The following TEP1 variants were observed in gnomAD, a reference collection of about 807,000 sequenced individuals.
The protein encoded by TEP1 is telomerase associated protein 1.
TEP1 carries 241 observed loss-of-function variants against 306.3 expected under a neutral mutation model. The ratio of observed to expected loss-of-function variants is 0.79; its 90% confidence interval spans 0.71 to 0.88. The LOEUF (loss-of-function observed/expected upper bound fraction) is 0.88, where lower values mean the gene tolerates loss of function less well. TEP1 is among the 40% of genes least tolerant of loss of function. The probability of loss-of-function intolerance (pLI) is 0.00; values close to 1 mark genes in which losing one functional copy is unlikely to be tolerated. For missense variants in TEP1, 3,051 were observed against 3,276.1 expected (o/e 0.93, Z 1.68); for synonymous variants, 1,289 against 1,305.5 (o/e 0.99, Z 0.27).
chr14:20,382,972 G>A (rs971503902), intron 27 of TEP1, among the ~76,000 whole-genome samples: 1 of 152,188 alleles, frequency 6.6e-6, no homozygotes, highest in African/African-American at 2.4e-5. Flanking sequence ...GAGAGGCCCT[G>A]GAAAGGCCAT....
intron 12 of TEP1, among the ~76,000 whole-genome samples, chr14:20,394,288 A>C (rs1043352928): frequency 6.6e-6 from 1 of 152,088 alleles, no homozygotes; most frequent in African/African-American, 2.4e-5. Context: ...ATATGAAAAC[A>C]TTTTCATGTC....
At chr14:20,377,899 C>T in intron 39 of TEP1, 125 bp downstream of exon 39, 2 of 1,453,794 alleles carry the variant, frequency 1.4e-6, no homozygotes, top group South Asian at 1.2e-5. Context: ...CACCCCTCTC[C>T]CCGTGGTTCC....
intron 12 of TEP1, 105 bp from the exon 13 acceptor site, chr14:20,391,872 C>T: frequency 8.0e-7 from 1 of 1,255,310 alleles, no homozygotes; most frequent in South Asian, 1.4e-5. Flanking sequence ...TCTTCTCCCT[C>T]CCTCAAGCAC....
intron 20 of TEP1, 99 bp downstream of exon 20, chr14:20,385,976 G>C (rs915511285): frequency 5.5e-6 from 8 of 1,466,516 alleles, no homozygotes; most frequent in Admixed American, 2.6e-5. Flanking sequence ...GGACCTGCCT[G>C]TTCATAGTTG....
Position 20,401,113 on chromosome 14 carries a change from G to A in TEP1, c.1420C>T (p.Arg474Ter), listed in dbSNP as rs148524029. 3.0e-5 allele frequency: 48 copies of A among 1,614,072 alleles called. No homozygotes were observed. The African/African-American group carries it at 4.7e-4, about 16-fold the overall frequency. Residue 474 changes from arginine to a stop codon, truncating the protein, a stop_gained, in exon 9 of 55, where the codon CGA becomes TGA. Coordinates refer to ENST00000262715, the MANE Select transcript of TEP1 (RefSeq NM_007110.5). LOFTEE classifies it high-confidence loss of function. ...RYPSNLQLFS[R>*]SRLPGPWDSS... ...TCCCAAGGCCCAGGAAGGCGACTTC[G>A]AGAAAAGAGCTGTAGGTTGGAGGGG... is the stretch of plus-strand genomic sequence containing the variant.
chr14:20,380,640 C>T (rs1186521185), intron 33 of TEP1, among the ~76,000 whole-genome samples, 165 bp from the exon 34 acceptor site: 1 of 152,180 alleles, frequency 6.6e-6, no homozygotes, highest in Non-Finnish European at 1.5e-5. Context: ...AGCCCCACTC[C>T]AAACCTAGGA....
Position 20,403,675 on chromosome 14 carries a change from C to T in TEP1, c.1194+48G>A, listed in dbSNP as rs769169544. ...CATCAGCATGCTCCCTTGTCCTGCCCTTCCTGGAGAAAAGGGGCGTGGGTC... is the reference window on the plus strand; with the variant it reads ...CATCAGCATGCTCCCTTGTCCTGCCTTTCCTGGAGAAAAGGGGCGTGGGTC... On this transcript the variant is annotated intron_variant, in intron 6 of 54. Transcript: ENST00000262715. 16 of 1,611,462 alleles carry T rather than the reference C, an allele frequency of 9.9e-6. 1 individual carries two copies. In the South Asian group the frequency reaches 1.5e-4, roughly 16 times the overall value.
At chr14:20,398,636 A>G (rs1336435902) in intron 9 of TEP1, among the ~76,000 whole-genome samples, 2 of 152,146 alleles carry the variant, frequency 1.3e-5, no homozygotes, top group South Asian at 2.1e-4. Context: ...TTCAATCTGC[A>G]TGGTAAGTAC....
chr14:20,394,871 AG>A (rs1349975516), intron 12 of TEP1, among the ~76,000 whole-genome samples: 2 of 152,154 alleles, frequency 1.3e-5, no homozygotes, highest in Non-Finnish European at 2.9e-5. Flanking sequence ...TAGAAAGTTA[AG>A]TGAGTCCTGT....
chr14:20,381,296 GGGGTCTA>G lies in TEP1; in HGVS notation c.4647+10_4647+16del. The G allele has an allele frequency of 6.2e-7, 1 of 1,613,278 alleles. No homozygotes were observed. The highest frequency in any genetic ancestry group is 8.5e-7 in the Non-Finnish European group (1 of 1,179,214). ...CACTCACTTTGGGAAAGGTGTCTAT[GGGGTCTA>G]GGAACTAACCAGGTGGTAAGGCAGG... On this transcript the variant is annotated intron_variant, in intron 32 of 54. Transcript: ENST00000262715. This position sits in a 1 kb window ranked among gnomAD's most constrained non-coding sequence, Gnocchi z 4.0.
chr14:20,377,639 A>G lies in TEP1; in HGVS notation c.5836T>C (p.Tyr1946His). The G allele has an allele frequency of 6.2e-7, 1 of 1,614,148 alleles. No individual in the cohort carries two copies. Among genetic ancestry groups the G allele is most frequent in the Non-Finnish European group, 8.5e-7 (1 of 1,180,018 alleles). Residue 1946 changes from tyrosine to histidine, a missense_variant, in exon 40 of 55, where the codon TAT becomes CAT. Physicochemically the swap from Tyr to His is moderately conservative, Grantham distance 83 (BLOSUM62 2). Around this residue, in one of 3 missense-constraint regions of TEP1, gnomAD observed 1,540 missense variants for 1,705.9 expected, o/e 0.90. Coordinates refer to ENST00000262715, the MANE Select transcript of TEP1 (RefSeq NM_007110.5). ...SPDGDRVAVG[Y>H]RADGIRIYKI... ...TAGATCCTAATGCCATCCGCTCGAT[A>G]TCCAACAGCCACCCGATCACCATCT...
At chr14:20,378,952 T>A (rs1479681611) in intron 36 of TEP1, 29 bp downstream of exon 36, 1 of 1,614,022 alleles carries the variant, frequency 6.2e-7, no homozygotes, top group African/African-American at 1.3e-5. Context: ...AAGGCCCTCA[T>A]TCCAAGACAA....
intron 1 of TEP1, among the ~76,000 whole-genome samples, chr14:20,410,020 C>CAAAAAAAAAAAAAAAAAAAAAAA (rs570672845): frequency 8.5e-5 from 5 of 58,922 alleles, no homozygotes; most frequent in African/African-American, 1.3e-4. Flanking sequence ...GACTCTGTCT[C>CAAAAAAAAAAAAAAAAAAAAAAA]AAAAAAAAAA....
intron 2 of TEP1, among the ~76,000 whole-genome samples, chr14:20,407,148 T>C (rs1879237805): frequency 6.6e-6 from 1 of 152,244 alleles, no homozygotes; most frequent in African/African-American, 2.4e-5. Context: ...TGTAGGCATG[T>C]AGATGTGTAA....
Position 20,382,073 on chromosome 14 carries a change from C to A in TEP1, c.4274-10G>T, listed in dbSNP as rs1280256514. The stretch of plus-strand genomic sequence containing the variant: ...TGGTCCACAGTCAAACCTGAAAACT[C>A]AAGCTCTCTGAGGCCCTCATCTAAC... On this transcript the variant is annotated splice_polypyrimidine_tract_variant and intron_variant, in intron 29 of 54. Transcript: ENST00000262715. 6.2e-7 allele frequency: 1 copy of A among 1,613,940 alleles called. No homozygotes were observed. Among genetic ancestry groups the A allele is most frequent in the Non-Finnish European group, 8.5e-7 (1 of 1,179,918 alleles).
At position 20,391,583 on chromosome 14, in the gene TEP1, C is replaced by T. The variant is rs754746846; in HGVS notation, c.2097+16G>A. 1.2e-6 allele frequency: 2 copies of T among 1,606,562 alleles called. No homozygotes were observed. The highest frequency in any genetic ancestry group is 1.7e-6 in the Non-Finnish European group (2 of 1,174,874). On this transcript the variant is annotated intron_variant, in intron 13 of 54. Transcript: ENST00000262715. The stretch of plus-strand genomic sequence containing the variant: ...TACCAACCCAACCCCTTGGAGGATG[C>T]TTTTTGTTTTCTTACCCCTTGTGGG...
chr14:20,369,976 T>C (rs1713446), intron 51 of TEP1, among the ~76,000 whole-genome samples, 197 bp from the exon 52 acceptor site: 44,927 of 150,214 alleles, frequency 0.3, 7,594 homozygotes, highest in African/African-American at 0.45. Flanking sequence ...TGCAGTGGCG[T>C]GATCTCGGTT....
chr14:20,390,878 G>C (rs1877649301), intron 14 of TEP1, 60 bp downstream of exon 14: 1 of 1,611,538 alleles, frequency 6.2e-7, no homozygotes, highest in African/African-American at 1.3e-5. Flanking sequence ...CAAATATCTG[G>C]GCTATTCCCA....
chr14:20,385,057 A>T lies in TEP1; in HGVS notation c.3035T>A (p.Phe1012Tyr), dbSNP rs1352152863. The T allele has an allele frequency of 1.9e-6, 3 of 1,614,146 alleles. No homozygotes were observed. The Admixed American group carries it at 5.0e-5, about 27-fold the overall frequency. Residue 1012 changes from phenylalanine to tyrosine, a missense_variant, in exon 21 of 55, where the codon TTC becomes TAC. Transcript: ENST00000262715. ...CTGCAGACGTTGGTTCCGGTTCAGG[A>T]ACTGCATCACCTCCATCTCTGTCAC... ...RSVTEMEVMQ[F>Y]LNRNQRLQPS...
Sources: allele counts gnomAD v4.1 joint callset (sites outside exome capture counted in the v4.1 genomes callset), GRCh38; gene constraint gnomAD v4.1.1; regional missense constraint gnomAD v4.1.1; non-coding constraint Gnocchi (gnomAD v3.1); transcripts MANE v1.5; gene names NCBI Gene and HGNC (gene_info 2026-07-23, HGNC 2026-07-21).